Variants in ZBBX observed in about 807,000 individuals in gnomAD.
ZBBX encodes zinc finger B-box domain containing.
In ZBBX, 101 loss-of-function variants were observed where a neutral mutation model predicts 108.5. That is an observed-to-expected ratio of 0.93 (90% CI 0.79 to 1.10). ZBBX has a LOEUF of 1.10. Among genes scored for constraint, ZBBX ranks in the 50% least tolerant of loss-of-function variants. The probability of loss-of-function intolerance (pLI) is 0.00; values close to 1 mark genes in which losing one functional copy is unlikely to be tolerated. For synonymous variants in ZBBX, 356 were observed against 323.4 expected (o/e 1.10, Z -1.08); for missense variants, 1,009 against 941.4 (o/e 1.07, Z -0.94).
intron 20 of ZBBX, among the ~76,000 whole-genome samples, chr3:167,281,933 T>A (rs1195538314): frequency 6.6e-6 from 1 of 152,154 alleles, no homozygotes; most frequent in Non-Finnish European, 1.5e-5. Context: ...AATCCTATAG[T>A]GGGTTTGCAG....
At chr3:167,399,219 A>G (rs1470166626) in intron 1 of ZBBX, among the ~76,000 whole-genome samples, 1 of 152,150 alleles carries the variant, frequency 6.6e-6, no homozygotes, top group Non-Finnish European at 1.5e-5. Flanking sequence ...TTCTAATACC[A>G]CACAATAACA....
At chr3:167,293,181 G>C (rs563252809) in intron 18 of ZBBX, among the ~76,000 whole-genome samples, 1 of 151,962 alleles carries the variant, frequency 6.6e-6, no homozygotes, top group Non-Finnish European at 1.5e-5. Flanking sequence ...AAAGAGGGAC[G>C]CCTCCCTAAC....
At chr3:167,343,258 A>G (rs894202580) in intron 9 of ZBBX, among the ~76,000 whole-genome samples, 1 of 151,906 alleles carries the variant, frequency 6.6e-6, no homozygotes, top group Non-Finnish European at 1.5e-5. Flanking sequence ...CAGCATAAAC[A>G]TCACAGAAAT....
At chr3:167,328,971 T>A (rs1373924919) in intron 10 of ZBBX, among the ~76,000 whole-genome samples, 1 of 152,192 alleles carries the variant, frequency 6.6e-6, no homozygotes, top group Non-Finnish European at 1.5e-5. Context: ...CATTAGTATA[T>A]AATGAAGTTG....
At chr3:167,208,892 GACA>G in the ZBBX span, among the ~76,000 whole-genome samples, 14 of 152,080 alleles carry the variant, frequency 9.2e-5, no homozygotes, top group African/African-American at 3.1e-4. Flanking sequence ...TTGGCTCTTG[GACA>G]ACGTTTCTGG....
At chr3:167,223,500 G>T in the ZBBX span, among the ~76,000 whole-genome samples, 2 of 151,884 alleles carry the variant, frequency 1.3e-5, no homozygotes, top group African/African-American at 2.4e-5. Flanking sequence ...TTTTAGCTCT[G>T]CCTCTAGCTC....
chr3:167,277,839 A>T (rs1727922691), intron 20 of ZBBX, among the ~76,000 whole-genome samples: 1 of 152,228 alleles, frequency 6.6e-6, no homozygotes, highest in Admixed American at 6.5e-5. Flanking sequence ...AATTGACCAC[A>T]TACTTGGAAG....
At chr3:167,282,679 C>T in intron 19 of ZBBX, 184 bp from the exon 20 acceptor site, 1 of 542,638 alleles carries the variant, frequency 1.8e-6, no homozygotes, top group Non-Finnish European at 3.2e-6. Context: ...AATTACTTTT[C>T]CAATGTCATA....
intron 20 of ZBBX, among the ~76,000 whole-genome samples, chr3:167,277,132 G>A (rs530632985): frequency 3.3e-4 from 50 of 152,050 alleles, no homozygotes; most frequent in Admixed American, 1.3e-3. Flanking sequence ...ACCAGCTGCT[G>A]CAAAATCATG....
the ZBBX span, among the ~76,000 whole-genome samples, chr3:167,183,311 A>G: frequency 6.6e-6 from 1 of 152,108 alleles, no homozygotes; most frequent in African/African-American, 2.4e-5. Context: ...CTTACTCACC[A>G]CAGGGATTGC....
intron 20 of ZBBX, among the ~76,000 whole-genome samples, chr3:167,257,358 G>T (rs527405823): frequency 9.9e-5 from 15 of 152,104 alleles, no homozygotes; most frequent in African/African-American, 3.6e-4. Flanking sequence ...CCACAAACAA[G>T]GATTATTTAA....
intron 5 of ZBBX, among the ~76,000 whole-genome samples, 154 bp from the exon 6 acceptor site, chr3:167,366,130 A>G (rs1560189415): frequency 6.6e-6 from 1 of 151,870 alleles, no homozygotes; most frequent in Non-Finnish European, 1.5e-5. Context: ...CAATAATGTC[A>G]CAATATCCTC....
the ZBBX span, among the ~76,000 whole-genome samples, chr3:167,226,096 G>GA: frequency 2.1e-4 from 29 of 139,728 alleles, no homozygotes; most frequent in Middle Eastern, 3.6e-3. Context: ...AAAAAAAAAA[G>GA]AAAAAAAAAC....
chr3:167,289,560 C>A (rs893399419), intron 18 of ZBBX, among the ~76,000 whole-genome samples: 2 of 152,216 alleles, frequency 1.3e-5, no homozygotes, highest in Non-Finnish European at 2.9e-5. Flanking sequence ...GTAACTTGCA[C>A]TCTGGCTCGG....
intron 8 of ZBBX, among the ~76,000 whole-genome samples, chr3:167,353,515 GA>G (rs777332370): frequency 6.6e-6 from 1 of 151,996 alleles, no homozygotes; most frequent in Admixed American, 6.6e-5. Flanking sequence ...GGAAGGGTGG[GA>G]AAGGGGTAAA....
intron 20 of ZBBX, among the ~76,000 whole-genome samples, chr3:167,275,488 T>A (rs1293579873): frequency 1.3e-5 from 2 of 151,994 alleles, no homozygotes; most frequent in Admixed American, 1.3e-4. Flanking sequence ...GGTCAGGGAG[T>A]TCCCTTTCCT....
At chr3:167,186,549 AT>A in the ZBBX span, among the ~76,000 whole-genome samples, 1 of 152,156 alleles carries the variant, frequency 6.6e-6, no homozygotes, top group African/African-American at 2.4e-5. Flanking sequence ...TTCTTATTTC[AT>A]TTTGGATCCC....
At chr3:167,384,392 T>C (rs985073606), upstream of ZBBX, among the ~76,000 whole-genome samples, 5 of 152,098 alleles carry the variant, frequency 3.3e-5, no homozygotes, top group African/African-American at 1.2e-4. Flanking sequence ...CTACATTTGA[T>C]AGCTTGGTAA....
the ZBBX span, among the ~76,000 whole-genome samples, chr3:167,188,197 T>C: frequency 6.6e-6 from 1 of 152,148 alleles, no homozygotes; most frequent in Non-Finnish European, 1.5e-5. Context: ...ATAGTATTGG[T>C]GTTCAGGGAA....
Sources: gnomAD v4.1 joint callset for allele counts (sites outside exome capture counted in the v4.1 genomes callset) on GRCh38, gnomAD v4.1.1 for gene constraint, MANE v1.5 for transcripts, NCBI Gene and HGNC (gene_info 2026-07-23, HGNC 2026-07-21) for gene names.